Variants in MIPOL1 observed in about 807,000 individuals in gnomAD.
MIPOL1 encodes the protein mirror-image polydactyly 1.
In MIPOL1, 57 loss-of-function variants were observed where a neutral mutation model predicts 60.9. The observed-to-expected ratio is 0.94, with a 90% CI of 0.76 to 1.17. The LOEUF (loss-of-function observed/expected upper bound fraction) is 1.17. Among genes scored for constraint, MIPOL1 ranks in the 50% most tolerant of loss-of-function variants. MIPOL1 has a pLI of 0.00. For missense variants in MIPOL1, 551 were observed against 511.6 expected, an observed-to-expected ratio of 1.08 and a Z score of -0.74; for synonymous variants, 179 against 168.8, an observed-to-expected ratio of 1.06 and a Z score of -0.47.
chr14:37,362,149 A>G (rs950170784), intron 9 of MIPOL1, among the ~76,000 whole-genome samples: 3 of 152,120 alleles, frequency 2.0e-5, no homozygotes, highest in Admixed American at 6.5e-5. Context: ...TGATCCTGTC[A>G]TTATGATGTT....
intron 9 of MIPOL1, among the ~76,000 whole-genome samples, chr14:37,334,593 TACTACAATTTTAG>T (rs1309546759): frequency 6.6e-6 from 1 of 151,970 alleles, no homozygotes; most frequent in Non-Finnish European, 1.5e-5. Flanking sequence ...GTGTAGTCAC[TACTACAATTTTAG>T]AACATTTTTA....
At chr14:37,443,284 C>A (rs1312242093) in intron 11 of MIPOL1, among the ~76,000 whole-genome samples, 1 of 151,692 alleles carries the variant, frequency 6.6e-6, no homozygotes, top group East Asian at 1.9e-4. Context: ...CACAGTGAGA[C>A]CCTATCTCTA....
At chr14:37,287,155 C>T (rs2084639721) in intron 7 of MIPOL1, among the ~76,000 whole-genome samples, 1 of 151,666 alleles carries the variant, frequency 6.6e-6, no homozygotes, top group South Asian at 2.1e-4. Flanking sequence ...TGAGGACTTA[C>T]ACAGGTTGTC....
At chr14:37,519,692 A>G (rs1465581344) in intron 12 of MIPOL1, among the ~76,000 whole-genome samples, 3 of 152,066 alleles carry the variant, frequency 2.0e-5, no homozygotes, top group Admixed American at 2.0e-4. Context: ...GTTACAGGGG[A>G]ACAAAAGACA....
chr14:37,373,467 T>C (rs997233981), intron 10 of MIPOL1, among the ~76,000 whole-genome samples: 3 of 151,898 alleles, frequency 2.0e-5, no homozygotes, highest in African/African-American at 7.3e-5. Context: ...GTTACACAGG[T>C]ATACACATGC....
chr14:37,440,957 T>G (rs2094234861), intron 11 of MIPOL1, among the ~76,000 whole-genome samples: 2 of 152,084 alleles, frequency 1.3e-5, no homozygotes, highest in Non-Finnish European at 2.9e-5. Flanking sequence ...CCATTCTGAG[T>G]GGTGTCAATG....
chr14:37,251,332 C>T (rs964664884), intron 3 of MIPOL1, among the ~76,000 whole-genome samples: 2 of 151,826 alleles, frequency 1.3e-5, no homozygotes, highest in Non-Finnish European at 2.9e-5. Context: ...ACTCCCAAAG[C>T]CCTGGGATGA....
intron 9 of MIPOL1, among the ~76,000 whole-genome samples, chr14:37,360,173 C>G (rs1473304293): frequency 6.6e-6 from 1 of 152,088 alleles, no homozygotes; most frequent in Admixed American, 6.6e-5. Context: ...ATGAAGCCGA[C>G]TTGATCTTGG....
intron 11 of MIPOL1, among the ~76,000 whole-genome samples, chr14:37,445,488 C>A (rs1230890081): frequency 6.6e-6 from 1 of 151,288 alleles, no homozygotes; most frequent in Non-Finnish European, 1.5e-5. Flanking sequence ...ATGAAAATGG[C>A]CATACTGCCC....
intron 1 of MIPOL1, among the ~76,000 whole-genome samples, chr14:37,209,487 C>T (rs1396897386): frequency 2.0e-5 from 3 of 151,854 alleles, no homozygotes; most frequent in East Asian, 1.9e-4. Flanking sequence ...GGTGAAACCC[C>T]GTCTCTACTA....
chr14:37,360,297 T>G (rs2092149186), intron 9 of MIPOL1, among the ~76,000 whole-genome samples: 1 of 152,202 alleles, frequency 6.6e-6, no homozygotes, highest in South Asian at 2.1e-4. Context: ...TTGTTGTGTC[T>G]CTGCCACGCT....
chr14:37,411,545 T>C (rs2093681479), intron 10 of MIPOL1, among the ~76,000 whole-genome samples: 1 of 152,110 alleles, frequency 6.6e-6, no homozygotes, highest in South Asian at 2.1e-4. Context: ...TATGTAAACC[T>C]GTGGCCACTC....
At chr14:37,205,575 T>C (rs1004196539) in intron 1 of MIPOL1, among the ~76,000 whole-genome samples, 1 of 152,062 alleles carries the variant, frequency 6.6e-6, no homozygotes, top group African/African-American at 2.4e-5. Flanking sequence ...ATCCATCAAC[T>C]CATCATTTAC....
chr14:37,229,511 G>A (rs1303022757), intron 1 of MIPOL1, among the ~76,000 whole-genome samples: 1 of 152,046 alleles, frequency 6.6e-6, no homozygotes, highest in African/African-American at 2.4e-5. Flanking sequence ...AACCCAAAAA[G>A]CCCATTGGTT....
At chr14:37,470,675 A>G (rs1036300135) in intron 11 of MIPOL1, among the ~76,000 whole-genome samples, 1 of 152,112 alleles carries the variant, frequency 6.6e-6, no homozygotes, top group Non-Finnish European at 1.5e-5. Flanking sequence ...TAGTAACGTG[A>G]TAACAGACTA....
intron 1 of MIPOL1, among the ~76,000 whole-genome samples, chr14:37,199,878 A>G (rs1964949975): frequency 6.6e-6 from 1 of 152,166 alleles, no homozygotes; most frequent in South Asian, 2.1e-4. Flanking sequence ...GTGTTACAGG[A>G]TAGGCAGATG....
intron 7 of MIPOL1, 84 bp from the exon 8 acceptor site, chr14:37,307,971 AG>A (rs2086928088): frequency 9.3e-7 from 1 of 1,072,692 alleles, no homozygotes; most frequent in South Asian, 1.4e-5. Context: ...AAATTACTTG[AG>A]GTTCTAAAGA....
intron 9 of MIPOL1, among the ~76,000 whole-genome samples, chr14:37,339,473 A>C (rs1237131237): frequency 6.6e-6 from 1 of 152,174 alleles, no homozygotes; most frequent in Admixed American, 6.6e-5. Context: ...GGAAAAATGA[A>C]AATATAGATA....
At chr14:37,273,402 C>G (rs1468596165) in intron 6 of MIPOL1, among the ~76,000 whole-genome samples, 1 of 150,394 alleles carries the variant, frequency 6.6e-6, no homozygotes, top group Non-Finnish European at 1.5e-5. Flanking sequence ...TACTTGCACT[C>G]TAATCTTAAA....
Sources: allele counts gnomAD v4.1 joint callset (sites outside exome capture counted in the v4.1 genomes callset), GRCh38; gene constraint gnomAD v4.1.1; transcripts MANE v1.5; gene names NCBI Gene and HGNC (gene_info 2026-07-23, HGNC 2026-07-21).